EYS: variants seen among roughly 807,000 people sequenced by gnomAD.
EYS encodes EGF-like photoreceptor maintenance factor.
EYS carries 250 observed loss-of-function variants against 282.1 expected under a neutral mutation model. That is an observed-to-expected ratio of 0.89 (90% CI 0.80 to 0.98). EYS has a LOEUF of 0.98. Among genes scored for constraint, EYS ranks in the 50% least tolerant of loss-of-function variants. The pLI is 0.00. For synonymous variants in EYS, 1,355 were observed against 1,282.9 expected, an observed-to-expected ratio of 1.06 and a Z score of -1.20; for missense variants, 4,016 against 3,709.0, an observed-to-expected ratio of 1.08 and a Z score of -2.15.
intron 22 of EYS, among the ~76,000 whole-genome samples, chr6:64,771,650 T>C (rs771715678): frequency 3.3e-5 from 5 of 151,818 alleles, no homozygotes; most frequent in African/African-American, 4.8e-5. Flanking sequence ...TCTTAGGAAT[T>C]CTGTAAGCTG....
chr6:64,972,926 A>T (rs1216140955), intron 14 of EYS, among the ~76,000 whole-genome samples: 3 of 152,090 alleles, frequency 2.0e-5, no homozygotes, highest in African/African-American at 7.2e-5. Flanking sequence ...TTCACCTCTA[A>T]TGTATATGAA....
chr6:65,624,698 T>C (rs1386386700), intron 2 of EYS, among the ~76,000 whole-genome samples: 1 of 152,188 alleles, frequency 6.6e-6, no homozygotes, highest in Non-Finnish European at 1.5e-5. Flanking sequence ...TGAGTCTTCC[T>C]GCCTTCATTT....
chr6:65,174,440 A>C (rs1266916839), intron 12 of EYS, among the ~76,000 whole-genome samples: 1 of 151,358 alleles, frequency 6.6e-6, no homozygotes, highest in African/African-American at 2.4e-5. Context: ...ATTAGACTTT[A>C]ACATTCTACA....
intron 26 of EYS, among the ~76,000 whole-genome samples, chr6:64,581,893 C>T (rs889157295): frequency 1.3e-5 from 2 of 152,044 alleles, no homozygotes; most frequent in Admixed American, 1.3e-4. Flanking sequence ...AAGACAGGGA[C>T]ATTGTAACTT....
At chr6:65,510,170 C>G (rs377539822) in intron 2 of EYS, among the ~76,000 whole-genome samples, 3 of 106,156 alleles carry the variant, frequency 2.8e-5, no homozygotes, top group Admixed American at 2.3e-4. Flanking sequence ...ATCCCTCCCC[C>G]CTCCCCCCAC....
At chr6:65,056,646 T>C (rs749423576) in intron 13 of EYS, among the ~76,000 whole-genome samples, 5 of 152,014 alleles carry the variant, frequency 3.3e-5, no homozygotes, top group Non-Finnish European at 5.9e-5. Context: ...CCATTCCCTC[T>C]GTATCTTTAA....
At chr6:65,335,996 T>G (rs1393020227) in intron 10 of EYS, among the ~76,000 whole-genome samples, 1 of 151,656 alleles carries the variant, frequency 6.6e-6, no homozygotes, top group Non-Finnish European at 1.5e-5. Flanking sequence ...TAAAAGTATA[T>G]AACACCTCTC....
chr6:63,739,008 TG>T (rs1317176655), intron 41 of EYS, among the ~76,000 whole-genome samples: 1 of 152,214 alleles, frequency 6.6e-6, no homozygotes, highest in East Asian at 1.9e-4. Flanking sequence ...AATAAATGTA[TG>T]GAAGATCTTT....
Position 65,544,808 on chromosome 6 carries a change from T to C in EYS, c.-332-48815A>G, listed in dbSNP as rs78302602. 2.0e-3 allele frequency among the ~76,000 whole-genome samples: 312 copies of C among 152,280 alleles called. 11 individuals carry two copies. In the East Asian group the frequency reaches 0.044, roughly 22 times the overall value. On this transcript the variant is annotated intron_variant, in intron 2 of 42. Coordinates refer to ENST00000503581, the MANE Select transcript of EYS (RefSeq NM_001142800.2). ...ATCTAAACAGTTTGAGAAAATTCTG[T>C]CTTGGTGTCTCATTGAGGCAAAAGA... is the stretch of plus-strand genomic sequence containing the variant.
At chr6:65,638,187 T>G (rs549187512) in intron 2 of EYS, among the ~76,000 whole-genome samples, 7 of 152,120 alleles carry the variant, frequency 4.6e-5, no homozygotes, top group Non-Finnish European at 1.0e-4. Flanking sequence ...ACTACCCACT[T>G]CAGGTCTCCT....
At chr6:64,392,580 G>T (rs967154773) in intron 28 of EYS, among the ~76,000 whole-genome samples, 1 of 151,754 alleles carries the variant, frequency 6.6e-6, no homozygotes, top group Non-Finnish European at 1.5e-5. Context: ...TGAAACCAAT[G>T]AGAACAAAGA....
chr6:64,173,260 AGT>A (rs1156889995), intron 31 of EYS, among the ~76,000 whole-genome samples: 1 of 152,196 alleles, frequency 6.6e-6, no homozygotes, highest in Admixed American at 6.6e-5. Flanking sequence ...AAACTGTGAT[AGT>A]GACCAGGGGA....
At chr6:64,531,473 G>A (rs1233482225) in intron 26 of EYS, among the ~76,000 whole-genome samples, 1 of 150,062 alleles carries the variant, frequency 6.7e-6, no homozygotes, top group Non-Finnish European at 1.5e-5. Flanking sequence ...TGCAAGCTCC[G>A]CCTCCCGGAT....
intron 39 of EYS, among the ~76,000 whole-genome samples, chr6:63,783,444 G>A (rs1770286944): frequency 1.3e-5 from 2 of 152,188 alleles, no homozygotes; most frequent in Admixed American, 1.3e-4. Context: ...AGATCTGGTG[G>A]TAACAACATG....
chr6:65,064,916 A>T (rs888347130), intron 12 of EYS, among the ~76,000 whole-genome samples: 2 of 152,112 alleles, frequency 1.3e-5, no homozygotes. Flanking sequence ...AATAGTCAGG[A>T]TGGCCCTGGA....
intron 34 of EYS, among the ~76,000 whole-genome samples, chr6:63,997,651 A>G (rs1371210046): frequency 6.6e-6 from 1 of 152,206 alleles, no homozygotes; most frequent in Non-Finnish European, 1.5e-5. Flanking sequence ...TGCAACTTGC[A>G]GCATTCTGAT....
chr6:64,928,674 C>T (rs1469015235), intron 15 of EYS, among the ~76,000 whole-genome samples: 1 of 151,938 alleles, frequency 6.6e-6, no homozygotes, highest in Non-Finnish European at 1.5e-5. Context: ...AGAAAACAAG[C>T]AAAATCTATT....
chr6:65,063,493 G>C (rs1390108725), intron 12 of EYS, among the ~76,000 whole-genome samples: 5 of 151,950 alleles, frequency 3.3e-5, no homozygotes, highest in Non-Finnish European at 5.9e-5. Context: ...CAGAAAAATG[G>C]GGGTAAATGT....
At chr6:65,616,875 A>C (rs1766218125) in intron 2 of EYS, among the ~76,000 whole-genome samples, 1 of 152,176 alleles carries the variant, frequency 6.6e-6, no homozygotes, top group Non-Finnish European at 1.5e-5. Context: ...TTTTTAATTC[A>C]ATTGGTGACT....
Sources: allele counts gnomAD v4.1 joint callset (sites outside exome capture counted in the v4.1 genomes callset), GRCh38; gene constraint gnomAD v4.1.1; transcripts MANE v1.5; gene names NCBI Gene and HGNC (gene_info 2026-07-23, HGNC 2026-07-21).